Variants in EPHA6 observed in about 807,000 individuals in gnomAD.
EPHA6 encodes the protein EPH receptor A6.
EPHA6 carries 50 observed loss-of-function variants against 112.0 expected under a neutral mutation model. The observed-to-expected ratio is 0.45, with a 90% CI of 0.36 to 0.56. EPHA6 has a LOEUF of 0.56. Ranked by LOEUF, EPHA6 falls within the 20% of genes least tolerant of loss-of-function variation. EPHA6 has a pLI of 0.00. For synonymous variants in EPHA6, 529 were observed against 490.7 expected (o/e 1.08, Z -1.03); for missense variants, 1,280 against 1,417.4 (o/e 0.90, Z 1.56).
chr3:96,829,936 T>TGCGC (rs2033916217), intron 1 of EPHA6, among the ~76,000 whole-genome samples: 1 of 103,204 alleles, frequency 9.7e-6, no homozygotes, highest in Non-Finnish European at 1.8e-5. Context: ...TGCACGTGCA[T>TGCGC]GTGCGCGCGC....
At chr3:97,360,124 C>G (rs2084298346) in intron 5 of EPHA6, among the ~76,000 whole-genome samples, 1 of 152,128 alleles carries the variant, frequency 6.6e-6, no homozygotes, top group Non-Finnish European at 1.5e-5. Context: ...TCTTTTTTGG[C>G]TACCCTGGCT....
At chr3:97,696,741 T>C (rs894414681) in intron 14 of EPHA6, among the ~76,000 whole-genome samples, 3 of 152,146 alleles carry the variant, frequency 2.0e-5, no homozygotes, top group Non-Finnish European at 4.4e-5. Context: ...CGTTGCTACA[T>C]GTGTTAACTT....
intron 14 of EPHA6, among the ~76,000 whole-genome samples, chr3:97,683,051 TATC>T (rs1280757663): frequency 6.6e-6 from 1 of 152,198 alleles, no homozygotes; most frequent in Non-Finnish European, 1.5e-5. Flanking sequence ...CTTTATTAGA[TATC>T]ATTTTTATTG....
At chr3:97,528,413 T>G (rs750665582) in intron 10 of EPHA6, among the ~76,000 whole-genome samples, 7 of 152,018 alleles carry the variant, frequency 4.6e-5, no homozygotes, top group Non-Finnish European at 1.0e-4. Flanking sequence ...TTATCACTAA[T>G]AAGGAGCCAT....
intron 3 of EPHA6, among the ~76,000 whole-genome samples, chr3:97,140,361 A>G (rs2075868393): frequency 6.6e-6 from 1 of 152,148 alleles, no homozygotes; most frequent in South Asian, 2.1e-4. Context: ...ACTTTATAAG[A>G]TGAACATCAC....
intron 2 of EPHA6, among the ~76,000 whole-genome samples, chr3:96,971,725 A>G (rs1198590993): frequency 6.6e-6 from 1 of 152,158 alleles, no homozygotes; most frequent in Non-Finnish European, 1.5e-5. Flanking sequence ...ACCCGTGTAC[A>G]TTCAACAACC....
At chr3:97,072,629 A>T (rs1177521142) in intron 3 of EPHA6, among the ~76,000 whole-genome samples, 1 of 152,148 alleles carries the variant, frequency 6.6e-6, no homozygotes, top group Non-Finnish European at 1.5e-5. Context: ...CTAACTGAGA[A>T]TCATGAGTTA....
chr3:97,320,239 C>A (rs1030113646), intron 5 of EPHA6, among the ~76,000 whole-genome samples: 5 of 152,058 alleles, frequency 3.3e-5, no homozygotes, highest in Admixed American at 3.3e-4. Context: ...ATTCTCCAGG[C>A]TAAGACTGGG....
chr3:97,160,706 G>A (rs1483612747), intron 3 of EPHA6, among the ~76,000 whole-genome samples: 1 of 152,070 alleles, frequency 6.6e-6, no homozygotes, highest in African/African-American at 2.4e-5. Flanking sequence ...ATTGGCTGTA[G>A]CCCATGCATT....
chr3:97,106,205 TG>T (rs2047562540), intron 3 of EPHA6, among the ~76,000 whole-genome samples: 1 of 152,094 alleles, frequency 6.6e-6, no homozygotes, highest in African/African-American at 2.4e-5. Context: ...TTATTGTCAT[TG>T]GCATGATGCT....
intron 3 of EPHA6, among the ~76,000 whole-genome samples, chr3:97,143,420 T>C (rs529540531): frequency 1.3e-5 from 2 of 151,992 alleles, no homozygotes; most frequent in South Asian, 2.1e-4. Context: ...ATGCCGTATT[T>C]ACAAAGTCAA....
chr3:96,987,440 C>A lies in EPHA6; in HGVS notation c.561C>A (p.Ser187=). 6.2e-7 allele frequency: 1 copy of A among 1,613,844 alleles called. No homozygotes were observed. The highest frequency in any genetic ancestry group is 8.5e-7 in the Non-Finnish European group (1 of 1,179,854). ...QNNWLRTNWI[S]RDAAQKIYVE... Reference sequence around the variant, plus strand: ...ACTGGCTTCGTACAAACTGGATCTCCCGTGATGCAGCTCAGAAAATTTATG... The same window carrying A: ...ACTGGCTTCGTACAAACTGGATCTCACGTGATGCAGCTCAGAAAATTTATG... The change falls in exon 3 of 18, where the codon TCC becomes TCA. Residue 187 remains serine, a synonymous_variant. Coordinates refer to ENST00000389672, the MANE Select transcript of EPHA6 (RefSeq NM_001080448.3).
In EPHA6 at chr3:97,394,483, C is replaced by A. The variant is rs78475491; in HGVS notation, c.1607-10667C>A. 3.2e-3 allele frequency among the ~76,000 whole-genome samples: 488 copies of A among 151,790 alleles called. 1 individual carries two copies. Among genetic ancestry groups the A allele is most frequent in the African/African-American group, 0.011 (465 of 41,470 alleles). The stretch of plus-strand genomic sequence containing the variant: ...GAAATAATCAACAGAATGTAGAAAA[C>A]ACCTGCAGTAAGGGAGAAAATGTTT... On this transcript the variant is annotated intron_variant, in intron 5 of 17. Coordinates refer to ENST00000389672, the MANE Select transcript of EPHA6 (RefSeq NM_001080448.3).
At chr3:97,263,128 T>C (rs2079554935) in intron 5 of EPHA6, among the ~76,000 whole-genome samples, 1 of 152,176 alleles carries the variant, frequency 6.6e-6, no homozygotes, top group Non-Finnish European at 1.5e-5. Context: ...AAGTTGATGT[T>C]AACTGCTAAG....
At chr3:96,954,531 T>G (rs2041678016) in intron 2 of EPHA6, among the ~76,000 whole-genome samples, 1 of 152,162 alleles carries the variant, frequency 6.6e-6, no homozygotes, top group Admixed American at 6.6e-5. Flanking sequence ...TTCTGTGGCT[T>G]GCACCTCAGT....
intron 5 of EPHA6, among the ~76,000 whole-genome samples, chr3:97,334,475 C>T (rs911532969): frequency 1.2e-4 from 16 of 136,780 alleles, no homozygotes; most frequent in South Asian, 6.9e-4. Flanking sequence ...CTTTTTTTTT[C>T]TTCTTTTTTT....
At chr3:97,401,851 G>C (rs1341993959) in intron 5 of EPHA6, among the ~76,000 whole-genome samples, 1 of 151,604 alleles carries the variant, frequency 6.6e-6, no homozygotes, top group Non-Finnish European at 1.5e-5. Flanking sequence ...TCTTAGGTTT[G>C]GGTATGTTTT....
At chr3:97,325,647 G>A (rs749540735) in intron 5 of EPHA6, among the ~76,000 whole-genome samples, 3 of 152,078 alleles carry the variant, frequency 2.0e-5, no homozygotes, top group Non-Finnish European at 2.9e-5. Context: ...GGAGGTAGTG[G>A]TGATGGTATT....
chr3:96,880,309 C>T (rs1405632748), intron 2 of EPHA6, among the ~76,000 whole-genome samples: 1 of 151,578 alleles, frequency 6.6e-6, no homozygotes, highest in African/African-American at 2.4e-5. Flanking sequence ...AATTAAAAAA[C>T]CCACAAATAC....
Sources: gnomAD v4.1 joint callset for allele counts (sites outside exome capture counted in the v4.1 genomes callset) on GRCh38, gnomAD v4.1.1 for gene constraint, MANE v1.5 for transcripts, NCBI Gene and HGNC (gene_info 2026-07-23, HGNC 2026-07-21) for gene names.